ESYT2: variants seen among roughly 807,000 people sequenced by gnomAD.
ESYT2 encodes the protein extended synaptotagmin 2.
In ESYT2, 54 loss-of-function variants were observed where a neutral mutation model predicts 107.2. The observed-to-expected ratio is 0.50, with a 90% CI of 0.40 to 0.63. The LOEUF is 0.63. Ranked by LOEUF, ESYT2 falls within the 30% of genes least tolerant of loss-of-function variation. ESYT2 has a pLI of 0.00. For missense variants in ESYT2, 1,020 were observed against 1,094.5 expected (o/e 0.93, Z 0.96); for synonymous variants, 491 against 434.1 (o/e 1.13, Z -1.63).
intron 6 of ESYT2, among the ~76,000 whole-genome samples, chr7:158,785,471 A>AATCAATC (rs1839079461): frequency 3.6e-5 from 5 of 137,460 alleles, no homozygotes; most frequent in East Asian, 2.0e-4. Flanking sequence ...ATAAATAAAT[A>AATCAATC]AATCACCTCC....
intron 4 of ESYT2, among the ~76,000 whole-genome samples, chr7:158,790,300 T>G (rs559703448): frequency 6.6e-6 from 1 of 152,254 alleles, no homozygotes; most frequent in East Asian, 1.9e-4. Flanking sequence ...AAATGATCCT[T>G]AGTAAAGGAT....
chr7:158,788,192 T>A, intron 5 of ESYT2, 99 bp from the exon 6 acceptor site: 1 of 1,196,554 alleles, frequency 8.4e-7, no homozygotes. Context: ...CTTTTGAGCA[T>A]GTGACTTCTT....
intron 1 of ESYT2, among the ~76,000 whole-genome samples, chr7:158,814,860 A>T (rs2129474086): frequency 6.6e-6 from 1 of 152,296 alleles, no homozygotes; most frequent in South Asian, 2.1e-4. Context: ...AGCGGAAATG[A>T]CATGCAATTC....
intron 13 of ESYT2, among the ~76,000 whole-genome samples, chr7:158,753,369 G>A (rs1346538786): frequency 6.6e-6 from 1 of 152,140 alleles, no homozygotes; most frequent in Non-Finnish European, 1.5e-5. Flanking sequence ...GTAGGAGTCA[G>A]GCTGGCTGGA....
intron 16 of ESYT2, 145 bp from the exon 17 acceptor site, chr7:158,743,823 G>T: frequency 2.3e-6 from 2 of 880,242 alleles, no homozygotes; most frequent in Non-Finnish European, 3.2e-6. Flanking sequence ...GCTCACGCCT[G>T]TAATTTCAGC....
intron 1 of ESYT2, among the ~76,000 whole-genome samples, chr7:158,803,693 AAC>A (rs1222868416): frequency 6.6e-6 from 1 of 152,248 alleles, no homozygotes; most frequent in African/African-American, 2.4e-5. Context: ...CCAAGGTTCT[AAC>A]ACACACAGAA....
intron 16 of ESYT2, among the ~76,000 whole-genome samples, chr7:158,746,961 A>G (rs2129471557): frequency 6.6e-6 from 1 of 152,328 alleles, no homozygotes; most frequent in Non-Finnish European, 1.5e-5. Flanking sequence ...CTGAGGCAAG[A>G]GAATCACTTG....
Position 158,737,052 on chromosome 7 carries a change from G to T in ESYT2, c.2395C>A (p.Gln799Lys). 6.2e-7 allele frequency: 1 copy of T among 1,613,090 alleles called. No individual in the cohort carries two copies. Among genetic ancestry groups the T allele is most frequent in the African/African-American group, 1.3e-5 (1 of 75,012 alleles). Residue 799 changes from glutamine to lysine, a missense_variant, in exon 20 of 23, where the codon CAA becomes AAA. Transcript: ENST00000275418. ...CAGCTGGATAAAATACCGTACCTTT[G>T]ATCAAACACTGGATTTAATGTTTTC... ...SKKTLNPVFD[Q>K]SFDFSVSLPE...
intron 1 of ESYT2, among the ~76,000 whole-genome samples, chr7:158,800,328 T>A (rs756481687): frequency 6.6e-6 from 1 of 152,160 alleles, no homozygotes; most frequent in African/African-American, 2.4e-5. Flanking sequence ...ATTATAGGTG[T>A]GAGCCACCGA....
At chr7:158,815,773 A>C (rs2129474111) in intron 1 of ESYT2, among the ~76,000 whole-genome samples, 1 of 152,314 alleles carries the variant, frequency 6.6e-6, no homozygotes, top group East Asian at 1.9e-4. Flanking sequence ...ATGGAAAAAA[A>C]CCTTAGTATT....
rs112589473 is a variant in ESYT2, at chr7:158,743,423, C to T, written c.1794+106G>A. On this transcript the variant is annotated intron_variant, in intron 17 of 22. Coordinates refer to ENST00000275418, the MANE Select transcript of ESYT2 (RefSeq NM_001367773.1). ...CCCTCCTGCGGCCCAGAGCTGCAGCCGACACAGAGCTTTCTTCACCGGCCT... is the reference window on the plus strand; with the variant it reads ...CCCTCCTGCGGCCCAGAGCTGCAGCTGACACAGAGCTTTCTTCACCGGCCT... 2.4e-3 allele frequency: 3,413 copies of T among 1,444,010 alleles called. 61 individuals carry two copies. In the African/African-American group the frequency reaches 0.041, roughly 17 times the overall value. 89.4% of individuals were successfully genotyped at this position (1,444,010 alleles called of 1,614,324 possible).
At chr7:158,798,417 C>A (rs149108170) in intron 2 of ESYT2, among the ~76,000 whole-genome samples, 1 of 151,850 alleles carries the variant, frequency 6.6e-6, no homozygotes, top group African/African-American at 2.4e-5. Flanking sequence ...GAGGCTGAAG[C>A]GGGTGGATCA....
At chr7:158,734,605 A>G in intron 21 of ESYT2, 134 bp from the exon 22 acceptor site, 4 of 744,128 alleles carry the variant, frequency 5.4e-6, no homozygotes, top group East Asian at 2.7e-5. Flanking sequence ...CCTGGGCAAG[A>G]TAGTGAAACC....
At chr7:158,823,046 A>C (rs1840330477) in intron 1 of ESYT2, among the ~76,000 whole-genome samples, 1 of 151,152 alleles carries the variant, frequency 6.6e-6, no homozygotes, top group Non-Finnish European at 1.5e-5. Context: ...TAATCCTAGC[A>C]CTTTGGGAGG....
chr7:158,820,434 A>C (rs1315140405), intron 1 of ESYT2, among the ~76,000 whole-genome samples: 1 of 152,234 alleles, frequency 6.6e-6, no homozygotes, highest in Non-Finnish European at 1.5e-5. Flanking sequence ...CACATTCTAC[A>C]ATGTATACAT....
intron 7 of ESYT2, among the ~76,000 whole-genome samples, chr7:158,768,566 C>T (rs897697035): frequency 3.3e-5 from 5 of 152,164 alleles, no homozygotes; most frequent in Admixed American, 6.5e-5. Context: ...ATTACAGGCG[C>T]GCACCACCAC....
At chr7:158,743,894 G>A in intron 16 of ESYT2, 1 of 461,788 alleles carries the variant, frequency 2.2e-6, no homozygotes, top group Non-Finnish European at 3.8e-6. Flanking sequence ...CCAACATGGT[G>A]AAACCTCATC....
chr7:158,806,835 C>T (rs1360613645), intron 1 of ESYT2, among the ~76,000 whole-genome samples: 4 of 152,014 alleles, frequency 2.6e-5, no homozygotes, highest in African/African-American at 7.3e-5. Flanking sequence ...TAAGACAATC[C>T]GGTTGTTTTT....
At chr7:158,825,176 C>T (rs2129474418) in intron 1 of ESYT2, among the ~76,000 whole-genome samples, 1 of 152,292 alleles carries the variant, frequency 6.6e-6, no homozygotes, top group Admixed American at 6.5e-5. Context: ...GCCTGTACTC[C>T]CAGCTACTTG....
Sources: gnomAD v4.1 joint callset for allele counts (sites outside exome capture counted in the v4.1 genomes callset) on GRCh38, gnomAD v4.1.1 for gene constraint, MANE v1.5 for transcripts, NCBI Gene and HGNC (gene_info 2026-07-23, HGNC 2026-07-21) for gene names.